Variants in KCNQ2 observed in about 807,000 individuals in gnomAD.
The protein encoded by KCNQ2 is potassium voltage-gated channel subfamily KQT member 2.
KCNQ2 carries 14 observed loss-of-function variants against 84.8 expected under a neutral mutation model. That is an observed-to-expected ratio of 0.17 (90% CI 0.11 to 0.26). KCNQ2 has a LOEUF of 0.26. Ranked by LOEUF, KCNQ2 falls within the 10% of genes least tolerant of loss-of-function variation. The pLI, the probability that KCNQ2 is intolerant of heterozygous loss-of-function variation, is 1.00. For synonymous variants in KCNQ2, 599 were observed against 554.1 expected, an observed-to-expected ratio of 1.08 and a Z score of -1.14; for missense variants, 788 against 1,254.0, an observed-to-expected ratio of 0.63 and a Z score of 5.61.
Position 63,406,353 on chromosome 20 carries a change from T to G in KCNQ2, c.*291A>C. On this transcript the variant is annotated 3_prime_UTR_variant, in exon 17 of 17. Coordinates refer to ENST00000359125, the MANE Select transcript of KCNQ2 (RefSeq NM_172107.4). ...ACTCCCGCCCCTCCTCACACCGGGC[T>G]GATGTCGGCCGCGGCCCTGAGCAGA... 2.4e-6 allele frequency: 1 copy of G among 410,704 alleles called. No homozygotes were observed. Among genetic ancestry groups the G allele is most frequent in the Non-Finnish European group, 4.4e-6 (1 of 225,270 alleles). The allele number at this position is 410,704 out of a possible 1,614,324, so 25.4% of individuals were successfully genotyped here.
Position 63,403,716 on chromosome 20 carries a change from T to TGTGCAAGC in KCNQ2, c.*2920_*2927dup, listed in dbSNP as rs1458033224. The TGTGCAAGC allele has an allele frequency of 6.6e-6, 1 of 152,274 alleles. No homozygotes were observed. The highest frequency in any genetic ancestry group is 2.4e-5 in the African/African-American group (1 of 41,450). The allele number at this position is 152,274 out of a possible 1,614,324, so 9.4% of individuals were successfully genotyped here. A position where few individuals can be genotyped will look rare whatever the true frequency, so the allele number is the denominator to read the frequency against. ...GTGTGCTATGTGGTCTGTGTGCATG[T>TGTGCAAGC]GTGCAAGCGTGCATGTGTACGCCTG... is the stretch of plus-strand genomic sequence containing the variant. On this transcript the variant is annotated 3_prime_UTR_variant, in exon 17 of 17. Transcript: ENST00000359125.
chr20:63,436,307 G>A (rs1267676914), intron 7 of KCNQ2, among the ~76,000 whole-genome samples: 2 of 152,222 alleles, frequency 1.3e-5, no homozygotes, highest in South Asian at 2.1e-4. Flanking sequence ...CAAGGCGGGA[G>A]GATCACGAAG....
Position 63,411,582 on chromosome 20 carries a change from TA to T in KCNQ2, c.1763+1867del, listed in dbSNP as rs1412167082. Among the ~76,000 whole-genome samples, 3 of 152,202 alleles carry T rather than the reference TA, an allele frequency of 2.0e-5. No homozygotes were observed. In the East Asian group the frequency reaches 5.8e-4, roughly 29 times the overall value. ...GCAGTGGGGCCCCTGGCAGTCCTGATAGGGGCACAGCCTGCCTGGGGCCCTG... is the reference window on the plus strand; with the variant it reads ...GCAGTGGGGCCCCTGGCAGTCCTGATGGGGCACAGCCTGCCTGGGGCCCTG... On this transcript the variant is annotated intron_variant, in intron 15 of 16. Coordinates refer to ENST00000359125, the MANE Select transcript of KCNQ2 (RefSeq NM_172107.4).
chr20:63,401,779 C>A lies in KCNQ2; in HGVS notation c.*4865G>T, dbSNP rs2079813283. On this transcript the variant is annotated 3_prime_UTR_variant, in exon 17 of 17. Transcript: ENST00000359125. ...CCTCAGAGCTCAGCCCCCTGCTGGG[C>A]ACCCTCCACAGCAGGTCCAAGCCTC... 2 of 204,638 alleles carry A rather than the reference C, an allele frequency of 9.8e-6. No homozygotes were observed. Among genetic ancestry groups the A allele is most frequent in the Admixed American group, 6.4e-5 (1 of 15,620 alleles). The allele number at this position is 204,638 out of a possible 1,614,324, so 12.7% of individuals were successfully genotyped here.
chr20:63,409,981 G>A (rs964684817), intron 15 of KCNQ2: 3 of 302,052 alleles, frequency 9.9e-6, no homozygotes, highest in African/African-American at 2.3e-5. Context: ...TGGGAGGGGG[G>A]AGGGTGGGCC....
intron 10 of KCNQ2, chr20:63,424,603 G>C (rs1480065498): frequency 4.3e-6 from 1 of 230,466 alleles, no homozygotes; most frequent in Non-Finnish European, 8.6e-6. Context: ...TTTCGAGACA[G>C]AGTGAGCTGC....
At position 63,439,637 on chromosome 20, in the gene KCNQ2, G is replaced by A. The variant is rs370760854; in HGVS notation, c.888C>T (p.Thr296=). 1,518 of 1,613,724 alleles carry A rather than the reference G, an allele frequency of 9.4e-4. 34 individuals carry two copies. In the South Asian group the frequency reaches 0.016, roughly 17 times the overall value. The change falls in exon 6 of 17, where the codon ACC becomes ACT. Residue 296 remains threonine (T), a synonymous_variant. Coordinates refer to ENST00000359125, the MANE Select transcript of KCNQ2 (RefSeq NM_172107.4). The part of the protein sequence containing the change: ...QTWNGRLLAA[T]FTLIGVSFFA... ...AGAAGGAGACACCGATGAGGGTGAA[G>A]GTTGCCGCAAGGAGCCTGCCGTTCC...
chr20:63,411,932 C>A, intron 15 of KCNQ2: 1 of 706,434 alleles, frequency 1.4e-6, no homozygotes, highest in South Asian at 1.5e-5. Flanking sequence ...ATCGTAAAGC[C>A]ACAGGAAATG....
Position 63,414,294 on chromosome 20 carries a change from C to G in KCNQ2, c.1526-101G>C. The G allele has an allele frequency of 1.2e-6, 1 of 848,954 alleles. No individual in the cohort carries two copies. The allele number at this position is 848,954 out of a possible 1,614,324, so 52.6% of individuals were successfully genotyped here. A position where few individuals can be genotyped will look rare whatever the true frequency, so the allele number is the denominator to read the frequency against. ...GGCTAGACAGAGCGCCAGGGAGCCC[C>G]TCGAGGCTCCCTGTGGTGCCCCTCG... is the stretch of plus-strand genomic sequence containing the variant. On this transcript the variant is annotated intron_variant, in intron 13 of 16. Coordinates refer to ENST00000359125, the MANE Select transcript of KCNQ2 (RefSeq NM_172107.4). The surrounding 1 kb of genome is among the most constrained non-coding windows in gnomAD (Gnocchi z 6.6).
At position 63,404,250 on chromosome 20, in the gene KCNQ2, C is replaced by A. The variant is rs13038614; in HGVS notation, c.*2394G>T. The A allele has an allele frequency of 0.22, 32,345 of 149,060 alleles. 4,326 individuals carry two copies. The highest frequency in any genetic ancestry group is 0.42 in the East Asian group (2,153 of 5,068). 9.2% of individuals were successfully genotyped at this position (149,060 alleles called of 1,614,324 possible). On this transcript the variant is annotated 3_prime_UTR_variant, in exon 17 of 17. Coordinates refer to ENST00000359125, the MANE Select transcript of KCNQ2 (RefSeq NM_172107.4). ...GGAAAGAGCAGGCGGGGCCTCACCT[C>A]GGGGGAGGAAAGAGCAGGTGGGGCC... is the stretch of plus-strand genomic sequence containing the variant.
chr20:63,453,333 T>G (rs1352722166), intron 1 of KCNQ2, among the ~76,000 whole-genome samples: 2 of 152,322 alleles, frequency 1.3e-5, no homozygotes, highest in African/African-American at 4.8e-5. Context: ...GCAGGGGCGC[T>G]GGCAGTGGTG....
chr20:63,419,608 T>C lies in KCNQ2; in HGVS notation c.1301+11A>G, dbSNP rs1428777667. The C allele has an allele frequency of 6.2e-7, 1 of 1,607,916 alleles. No individual in the cohort carries two copies. The highest frequency in any genetic ancestry group is 8.5e-7 in the Non-Finnish European group (1 of 1,178,360). ...AGCAGCCGTCAGTCCGTGCGGCGTG[T>C]TCCGCGGTACCTAGAGCGTCCGGGG... On this transcript the variant is annotated intron_variant, in intron 12 of 16. Coordinates refer to ENST00000359125, the MANE Select transcript of KCNQ2 (RefSeq NM_172107.4).
chr20:63,410,725 A>G (rs2080097165), intron 15 of KCNQ2, among the ~76,000 whole-genome samples: 1 of 152,244 alleles, frequency 6.6e-6, no homozygotes, highest in African/African-American at 2.4e-5. Flanking sequence ...CCTCACAGGC[A>G]GAAACCCCAC....
chr20:63,428,357 C>A lies in KCNQ2; in HGVS notation c.1217+10G>T, dbSNP rs1388877127. 1 of 1,559,040 alleles carries A rather than the reference C, an allele frequency of 6.4e-7. No homozygotes were observed. The highest frequency in any genetic ancestry group is 1.2e-5 in the South Asian group (1 of 84,720). On this transcript the variant is annotated intron_variant, in intron 10 of 16. Coordinates refer to ENST00000359125, the MANE Select transcript of KCNQ2 (RefSeq NM_172107.4). ...CGCCCACCCGCCCCACCTGGAGCTCCCCAGCTGACCTGAAAGCGAGTCCAG... is the reference window on the plus strand; with the variant it reads ...CGCCCACCCGCCCCACCTGGAGCTCACCAGCTGACCTGAAAGCGAGTCCAG...
In KCNQ2 at chr20:63,408,626, G is replaced by A. The variant is rs1601549922; in HGVS notation, c.1764-90C>T. On this transcript the variant is annotated intron_variant, in intron 15 of 16. Coordinates refer to ENST00000359125, the MANE Select transcript of KCNQ2 (RefSeq NM_172107.4). The surrounding 1 kb of genome is among the most constrained non-coding windows in gnomAD (Gnocchi z 5.0). ...TCCTGGACCAGGCCACAGTGCCCCT[G>A]GGTCTAGGCTGCAGGCTCAGCCCAG... 1.7e-5 allele frequency: 27 copies of A among 1,554,136 alleles called. No homozygotes were observed. The highest frequency in any genetic ancestry group is 2.4e-5 in the South Asian group (2 of 85,018).
intron 7 of KCNQ2, among the ~76,000 whole-genome samples, chr20:63,437,004 C>G (rs1019443162): frequency 1.3e-5 from 2 of 152,152 alleles, no homozygotes; most frequent in Non-Finnish European, 2.9e-5. Flanking sequence ...GTCTCGAACT[C>G]CTGACCTCAA....
chr20:63,454,423 C>G (rs2081712566), intron 1 of KCNQ2, among the ~76,000 whole-genome samples: 2 of 152,208 alleles, frequency 1.3e-5, no homozygotes, highest in Non-Finnish European at 2.9e-5. Flanking sequence ...GCGAGAAGAG[C>G]CTTGGAGGAG....
At chr20:63,458,572 C>T (rs910097032) in intron 1 of KCNQ2, among the ~76,000 whole-genome samples, 1 of 152,200 alleles carries the variant, frequency 6.6e-6, no homozygotes, top group African/African-American at 2.4e-5. Flanking sequence ...GCCCCCAAGT[C>T]TCCCTGGTGT....
intron 1 of KCNQ2, 136 bp downstream of exon 1, chr20:63,472,032 G>T: frequency 1.6e-6 from 1 of 608,544 alleles, no homozygotes; most frequent in South Asian, 2.4e-5. Flanking sequence ...CACTCCCGCC[G>T]GGGAGCGCCG....
Sources: gnomAD v4.1 joint callset for allele counts (sites outside exome capture counted in the v4.1 genomes callset) on GRCh38, gnomAD v4.1.1 for gene constraint, Gnocchi (gnomAD v3.1) non-coding constraint, MANE v1.5 for transcripts, NCBI Gene and HGNC (gene_info 2026-07-23, HGNC 2026-07-21) for gene names.